ALKBH1: variants seen among roughly 807,000 people sequenced by gnomAD.
ALKBH1 encodes the protein alkB homolog 1, histone H2A dioxygenase.
ALKBH1 carries 31 observed loss-of-function variants against 36.6 expected under a neutral mutation model. That is an observed-to-expected ratio of 0.85 (90% CI 0.64 to 1.14). The LOEUF (loss-of-function observed/expected upper bound fraction) is 1.14, where lower values mean the gene tolerates loss of function less well. Ranked by LOEUF, ALKBH1 falls within the 50% of genes most tolerant of loss-of-function variation. The probability of loss-of-function intolerance (pLI) is 0.00; values close to 1 mark genes in which losing one functional copy is unlikely to be tolerated. For missense variants in ALKBH1, 490 were observed against 497.3 expected (o/e 0.99, Z 0.14); for synonymous variants, 183 against 186.6 (o/e 0.98, Z 0.16).
In ALKBH1 at chr14:77,674,157, G is replaced by A. The variant is rs774651933; in HGVS notation, c.825C>T (p.Ile275=). The change falls in exon 6 of 6, where the codon ATC becomes ATT. Residue 275 remains isoleucine (I), a synonymous_variant. Coordinates refer to ENST00000216489, the MANE Select transcript of ALKBH1 (RefSeq NM_006020.3). ...PTAMFMHSGD[I]MIMSGFSRLL... ...GGCGGCTGAAACCCGACATTATCAT[G>A]ATGTCACCACTGTGCATAAACATGG... 1.9e-6 allele frequency: 3 copies of A among 1,614,204 alleles called. No homozygotes were observed. Among genetic ancestry groups the A allele is most frequent in the Non-Finnish European group, 2.5e-6 (3 of 1,180,024 alleles).
At chr14:77,692,896 C>T (rs1252134339) in intron 3 of ALKBH1, among the ~76,000 whole-genome samples, 1 of 140,158 alleles carries the variant, frequency 7.1e-6, no homozygotes, top group Non-Finnish European at 1.6e-5. Flanking sequence ...ACCACTATGC[C>T]CAGCTAATTA....
intron 3 of ALKBH1, chr14:77,683,481 A>C (rs1273051912): frequency 1.8e-5 from 13 of 713,990 alleles, no homozygotes; most frequent in Non-Finnish European, 3.1e-5. Context: ...GCTGGGGAAC[A>C]CTGTAGACTC....
At chr14:77,691,601 A>T (rs1185037075) in intron 3 of ALKBH1, 1 of 152,182 alleles carries the variant, frequency 6.6e-6, no homozygotes, top group African/African-American at 2.4e-5. Context: ...ACTTGGCCTT[A>T]ATCGATTTTC....
At chr14:77,707,681 T>C in intron 1 of ALKBH1, 141 bp downstream of exon 1, 1 of 924,658 alleles carries the variant, frequency 1.1e-6, no homozygotes, top group South Asian at 2.5e-5. Context: ...TAGTGGGGAG[T>C]TCGACTCTGC....
chr14:77,697,551 T>C (rs2080334447), intron 2 of ALKBH1, among the ~76,000 whole-genome samples: 2 of 152,072 alleles, frequency 1.3e-5, no homozygotes, highest in South Asian at 4.1e-4. Flanking sequence ...CCCTCCAGTC[T>C]TAATCTCCAG....
intron 3 of ALKBH1, among the ~76,000 whole-genome samples, chr14:77,687,293 A>G (rs1336243905): frequency 1.3e-5 from 2 of 152,096 alleles, no homozygotes; most frequent in Admixed American, 6.5e-5. Flanking sequence ...CCTATACTAT[A>G]TCCTATTTCC....
chr14:77,681,543 A>G (rs902617248), intron 3 of ALKBH1, among the ~76,000 whole-genome samples: 22 of 152,244 alleles, frequency 1.4e-4, no homozygotes, highest in African/African-American at 4.3e-4. Flanking sequence ...AGACATCATG[A>G]CACATACATA....
At chr14:77,680,675 C>CTTTTTT (rs1555383641) in intron 3 of ALKBH1, among the ~76,000 whole-genome samples, 1 of 56,076 alleles carries the variant, frequency 1.8e-5, no homozygotes, top group Non-Finnish European at 3.8e-5. Flanking sequence ...TGATTAACTA[C>CTTTTTT]TCTTTTTTTT....
chr14:77,706,451 C>T (rs1313497130), intron 1 of ALKBH1, among the ~76,000 whole-genome samples: 1 of 152,162 alleles, frequency 6.6e-6, no homozygotes, highest in Non-Finnish European at 1.5e-5. Flanking sequence ...AAGGTTTTCT[C>T]TTTCCTCCCT....
chr14:77,679,477 C>G (rs2080224799), intron 4 of ALKBH1, among the ~76,000 whole-genome samples: 1 of 151,370 alleles, frequency 6.6e-6, no homozygotes. Flanking sequence ...GTCACCCAGG[C>G]TGGAGTGCAG....
At chr14:77,685,205 G>A (rs1415489758) in intron 3 of ALKBH1, among the ~76,000 whole-genome samples, 3 of 152,188 alleles carry the variant, frequency 2.0e-5, no homozygotes. Flanking sequence ...CACTTTGGGA[G>A]GCTGAGATGG....
intron 3 of ALKBH1, among the ~76,000 whole-genome samples, chr14:77,686,135 A>G (rs2080267154): frequency 6.6e-6 from 1 of 152,216 alleles, no homozygotes; most frequent in Non-Finnish European, 1.5e-5. Context: ...AGTACTATTT[A>G]AGGACCCTTC....
At chr14:77,683,333 CT>C in intron 3 of ALKBH1, 3 of 735,578 alleles carry the variant, frequency 4.1e-6, no homozygotes, top group Admixed American at 1.9e-5. Context: ...TCTTTGGGTT[CT>C]TTTTCTGATC....
chr14:77,698,805 C>T (rs540984503), intron 2 of ALKBH1, among the ~76,000 whole-genome samples: 9 of 152,284 alleles, frequency 5.9e-5, no homozygotes, highest in African/African-American at 2.2e-4. Flanking sequence ...CTCTGTCACC[C>T]AGGCACAATC....
chr14:77,696,035 T>G (rs1460788644), intron 2 of ALKBH1, among the ~76,000 whole-genome samples: 2 of 152,092 alleles, frequency 1.3e-5, no homozygotes, highest in Non-Finnish European at 2.9e-5. Flanking sequence ...GAGGTTGTAG[T>G]GAGCCAAGAT....
chr14:77,707,307 A>C (rs1305985792), intron 1 of ALKBH1, among the ~76,000 whole-genome samples: 1 of 152,186 alleles, frequency 6.6e-6, no homozygotes, highest in South Asian at 2.1e-4. Flanking sequence ...TGTATTCCAT[A>C]TATACTTGTT....
intron 3 of ALKBH1, among the ~76,000 whole-genome samples, chr14:77,681,688 G>C (rs1056017404): frequency 6.6e-6 from 1 of 152,178 alleles, no homozygotes; most frequent in Non-Finnish European, 1.5e-5. Context: ...CAATTCTCTG[G>C]AAGTGTTAAG....
intron 5 of ALKBH1, among the ~76,000 whole-genome samples, chr14:77,674,825 T>C (rs1259066632): frequency 6.6e-6 from 1 of 152,234 alleles, no homozygotes; most frequent in Non-Finnish European, 1.5e-5. Flanking sequence ...GTACTGGGAT[T>C]ATAGGTGTAA....
chr14:77,684,927 G>T (rs1351989870), intron 3 of ALKBH1, among the ~76,000 whole-genome samples: 4 of 152,092 alleles, frequency 2.6e-5, no homozygotes, highest in African/African-American at 9.7e-5. Context: ...TGCTGCTTTG[G>T]AAATAATTCA....
Sources: allele counts gnomAD v4.1 joint callset (sites outside exome capture counted in the v4.1 genomes callset), GRCh38; gene constraint gnomAD v4.1.1; transcripts MANE v1.5; gene names NCBI Gene and HGNC (gene_info 2026-07-23, HGNC 2026-07-21).